Variants in ACBD3 observed in about 807,000 individuals in gnomAD.
ACBD3 encodes acyl-CoA binding domain containing 3.
ACBD3 carries 30 observed loss-of-function variants against 66.9 expected under a neutral mutation model. The observed-to-expected ratio is 0.45, with a 90% CI of 0.34 to 0.61. The LOEUF is 0.61. Ranked by LOEUF, ACBD3 falls within the 20% of genes least tolerant of loss-of-function variation. ACBD3 has a pLI of 0.02. For missense variants in ACBD3, 544 were observed against 664.5 expected, an observed-to-expected ratio of 0.82 and a Z score of 1.99; for synonymous variants, 278 against 259.8, an observed-to-expected ratio of 1.07 and a Z score of -0.68.
At chr1:226,167,228 T>C (rs1159450620) in intron 1 of ACBD3, among the ~76,000 whole-genome samples, 8 of 152,244 alleles carry the variant, frequency 5.3e-5, no homozygotes, top group Non-Finnish European at 1.5e-5. Flanking sequence ...TGAAAGGCTG[T>C]ATTCAAAAAT....
In ACBD3 at chr1:226,161,378, G is replaced by A. The variant is rs570769292; in HGVS notation, c.728+153C>T. On this transcript the variant is annotated intron_variant, in intron 4 of 7. Coordinates refer to ENST00000366812, the MANE Select transcript of ACBD3 (RefSeq NM_022735.4). Reference sequence around the variant, plus strand: ...TAGTCTCCATCTCCCAACCTCAGGTGATCTCCCAACCTCAGGTGATCTGCC... The same window carrying A: ...TAGTCTCCATCTCCCAACCTCAGGTAATCTCCCAACCTCAGGTGATCTGCC... Among the ~76,000 whole-genome samples, 3 of 152,154 alleles carry A rather than the reference G, an allele frequency of 2.0e-5. No homozygotes were observed. In the South Asian group the frequency reaches 6.2e-4, roughly 32 times the overall value.
Position 226,156,675 on chromosome 1 carries a change from G to A in ACBD3, c.904-1842C>T, listed in dbSNP as rs16845638. Reference sequence around the variant, plus strand: ...ATGCTTCTCTTTGCTGCTAATATAGGTTAATAACACAATTAAGATTTTAAG... The same window carrying A: ...ATGCTTCTCTTTGCTGCTAATATAGATTAATAACACAATTAAGATTTTAAG... On this transcript the variant is annotated intron_variant, in intron 5 of 7. Coordinates refer to ENST00000366812, the MANE Select transcript of ACBD3 (RefSeq NM_022735.4). 0.014 allele frequency among the ~76,000 whole-genome samples: 2,063 copies of A among 152,186 alleles called. 116 individuals carry two copies. The East Asian group carries it at 0.19, about 14-fold the overall frequency.
chr1:226,182,781 T>C (rs977603166), intron 1 of ACBD3, among the ~76,000 whole-genome samples: 2 of 152,206 alleles, frequency 1.3e-5, no homozygotes, highest in African/African-American at 4.8e-5. Flanking sequence ...GAATGGCATC[T>C]GCTCCCTCAG....
chr1:226,166,136 TTATTTC>T, intron 1 of ACBD3, 136 bp from the exon 2 acceptor site: 1 of 1,008,034 alleles, frequency 9.9e-7, no homozygotes, highest in Non-Finnish European at 1.4e-6. Context: ...AGTGAAATTT[TTATTTC>T]AATTACTACT....
chr1:226,168,867 CT>C (rs1558128511), intron 1 of ACBD3, among the ~76,000 whole-genome samples: 2 of 152,164 alleles, frequency 1.3e-5, no homozygotes, highest in Non-Finnish European at 2.9e-5. Flanking sequence ...TTCCTTCTCA[CT>C]TTTTATTTGA....
intron 1 of ACBD3, 39 bp from the exon 2 acceptor site, chr1:226,166,039 G>A: frequency 6.3e-7 from 1 of 1,576,906 alleles, no homozygotes; most frequent in Non-Finnish European, 8.6e-7. Context: ...AATTAGCACA[G>A]GCAAAATACA....
intron 3 of ACBD3, among the ~76,000 whole-genome samples, chr1:226,164,116 T>TAA (rs1165905762): frequency 1.9e-5 from 1 of 51,582 alleles, no homozygotes; most frequent in Non-Finnish European, 3.3e-5. Context: ...GACTCCATCT[T>TAA]AAAAAAAAAA....
chr1:226,149,302 C>A (rs1354797132), intron 7 of ACBD3, among the ~76,000 whole-genome samples: 1 of 151,494 alleles, frequency 6.6e-6, no homozygotes, highest in East Asian at 1.9e-4. Context: ...TCTCAGCTCA[C>A]TGCAATCTCC....
At chr1:226,173,726 T>C (rs1464990919) in intron 1 of ACBD3, among the ~76,000 whole-genome samples, 1 of 151,452 alleles carries the variant, frequency 6.6e-6, no homozygotes, top group Non-Finnish European at 1.5e-5. Flanking sequence ...TTAAATCAGG[T>C]GAGAATAATT....
chr1:226,161,270 G>C (rs907053639), intron 4 of ACBD3, among the ~76,000 whole-genome samples: 2 of 151,464 alleles, frequency 1.3e-5, no homozygotes, highest in Non-Finnish European at 2.9e-5. Flanking sequence ...TCCTGAGTAG[G>C]TGGGATTACA....
chr1:226,146,476 A>G lies in ACBD3; in HGVS notation c.*134T>C. ...CTCAAGGAAATTTTGATTCCCAGCA[A>G]GAGTTCACAAACCATCAGACCAATA... is the stretch of plus-strand genomic sequence containing the variant. On this transcript the variant is annotated 3_prime_UTR_variant, in exon 8 of 8. Transcript: ENST00000366812. The G allele has an allele frequency of 1.3e-6, 1 of 740,900 alleles. No homozygotes were observed. Among genetic ancestry groups the G allele is most frequent in the Non-Finnish European group, 2.2e-6 (1 of 462,058 alleles). 45.9% of individuals were successfully genotyped at this position (740,900 alleles called of 1,614,324 possible).
At position 226,176,213 on chromosome 1, in the gene ACBD3, G is replaced by A. The variant is rs1057431729; in HGVS notation, c.286+10177C>T. ...GAAGCCGAGGCGGGTGGATCATGAG[G>A]TCAGGAGTTCAAGACCAGCCTGGCC... On this transcript the variant is annotated intron_variant, in intron 1 of 7. Transcript: ENST00000366812. 3.3e-5 allele frequency among the ~76,000 whole-genome samples: 5 copies of A among 152,150 alleles called. No homozygotes were observed. In the East Asian group the frequency reaches 9.6e-4, roughly 29 times the overall value.
intron 1 of ACBD3, among the ~76,000 whole-genome samples, chr1:226,181,755 C>A (rs1459536954): frequency 6.6e-6 from 1 of 152,094 alleles, no homozygotes; most frequent in African/African-American, 2.4e-5. Context: ...TAATGTAATA[C>A]AGTAATAAAG....
At chr1:226,174,117 G>C (rs765613945) in intron 1 of ACBD3, among the ~76,000 whole-genome samples, 2 of 151,998 alleles carry the variant, frequency 1.3e-5, no homozygotes, top group Non-Finnish European at 2.9e-5. Context: ...AATGTAGTTA[G>C]CAGGAAAATA....
chr1:226,156,170 C>T (rs1380783053), intron 5 of ACBD3, among the ~76,000 whole-genome samples: 1 of 152,198 alleles, frequency 6.6e-6, no homozygotes, highest in Non-Finnish European at 1.5e-5. Flanking sequence ...TTCCCTGGTA[C>T]CCCTTTCTGG....
chr1:226,186,719 G>C lies in ACBD3; in HGVS notation c.-44C>G. The C allele has an allele frequency of 7.0e-7, 1 of 1,436,378 alleles. No homozygotes were observed. The highest frequency in any genetic ancestry group is 9.1e-7 in the Non-Finnish European group (1 of 1,098,078). 89.0% of individuals were successfully genotyped at this position (1,436,378 alleles called of 1,614,324 possible). On this transcript the variant is annotated 5_prime_UTR_variant, in exon 1 of 8. Coordinates refer to ENST00000366812, the MANE Select transcript of ACBD3 (RefSeq NM_022735.4). ...CTCAGCGGGGACAGACGGCAGCCAC[G>C]TATCGACTTCCTGCTGACCTCTGAC... is the stretch of plus-strand genomic sequence containing the variant.
In ACBD3 at chr1:226,151,864, G is replaced by T. The variant is rs187230247; in HGVS notation, c.1375+471C>A. Among the ~76,000 whole-genome samples, 519 of 152,088 alleles carry T rather than the reference G, an allele frequency of 3.4e-3. 1 individual carries two copies. Among genetic ancestry groups the T allele is most frequent in the Middle Eastern group, 6.8e-3 (2 of 294 alleles). Reference sequence around the variant, plus strand: ...CTACTAAAAATACAAAAAATTAGCCGGGCACAGTGGTGCGTGCCTGTAATC... The same window carrying T: ...CTACTAAAAATACAAAAAATTAGCCTGGCACAGTGGTGCGTGCCTGTAATC... On this transcript the variant is annotated intron_variant, in intron 7 of 7. Transcript: ENST00000366812.
chr1:226,176,194 G>A (rs1209608221), intron 1 of ACBD3, among the ~76,000 whole-genome samples: 5 of 152,198 alleles, frequency 3.3e-5, no homozygotes, highest in Admixed American at 6.5e-5. Flanking sequence ...TTGGGAAGCC[G>A]AGGCGGGTGG....
intron 7 of ACBD3, among the ~76,000 whole-genome samples, chr1:226,150,638 A>C (rs1159213896): frequency 1.3e-5 from 2 of 152,086 alleles, no homozygotes; most frequent in African/African-American, 4.8e-5. Context: ...CGGCCTCCCA[A>C]AGTGTTGGGA....
Sources: allele counts gnomAD v4.1 joint callset (sites outside exome capture counted in the v4.1 genomes callset), GRCh38; gene constraint gnomAD v4.1.1; transcripts MANE v1.5; gene names NCBI Gene and HGNC (gene_info 2026-07-23, HGNC 2026-07-21).